The following DLC1 variants were observed in gnomAD, a reference collection of about 807,000 sequenced individuals.
DLC1 encodes the protein rho GTPase-activating protein 7.
In DLC1, 54 loss-of-function variants were observed where a neutral mutation model predicts 140.3. The ratio of observed to expected loss-of-function variants is 0.38; its 90% CI spans 0.31 to 0.48. The LOEUF is 0.48. Among genes scored for constraint, DLC1 ranks in the 20% least tolerant of loss-of-function variants. DLC1 has a pLI of 0.96. For synonymous variants in DLC1, 986 were observed against 728.1 expected (o/e 1.35, Z -5.70); for missense variants, 2,536 against 1,907.0 (o/e 1.33, Z -6.14).
intron 5 of DLC1, among the ~76,000 whole-genome samples, chr8:13,215,190 G>C (rs1163835730): frequency 1.3e-5 from 2 of 152,062 alleles, no homozygotes; most frequent in African/African-American, 2.4e-5. Context: ...AAAACTATTA[G>C]ATCATTTCCC....
chr8:13,538,042 C>T (rs1421386742), intron 1 of DLC1, among the ~76,000 whole-genome samples: 2 of 152,142 alleles, frequency 1.3e-5, no homozygotes, highest in Non-Finnish European at 2.9e-5. Flanking sequence ...CTCACAAAGT[C>T]TCACTGAAGT....
At chr8:13,317,563 C>T (rs1463296598) in intron 4 of DLC1, among the ~76,000 whole-genome samples, 1 of 152,016 alleles carries the variant, frequency 6.6e-6, no homozygotes, top group East Asian at 1.9e-4. Flanking sequence ...GACGAAATGG[C>T]TATGGTCAGT....
chr8:13,427,791 G>A (rs760726487), intron 2 of DLC1, among the ~76,000 whole-genome samples: 1 of 152,150 alleles, frequency 6.6e-6, no homozygotes, highest in South Asian at 2.1e-4. Flanking sequence ...CCTTTACATT[G>A]CATGCTTTTA....
intron 4 of DLC1, among the ~76,000 whole-genome samples, chr8:13,390,120 C>G (rs1836685060): frequency 2.0e-5 from 3 of 152,024 alleles, no homozygotes; most frequent in Admixed American, 2.0e-4. Context: ...GATATTCCAA[C>G]CATAAAATTG....
intron 5 of DLC1, among the ~76,000 whole-genome samples, chr8:13,197,306 C>A (rs1453013031): frequency 6.6e-6 from 1 of 152,014 alleles, no homozygotes; most frequent in Non-Finnish European, 1.5e-5. Flanking sequence ...TAATTAGTAA[C>A]TATTTAAGCC....
chr8:13,306,464 C>T (rs145547974), intron 4 of DLC1, among the ~76,000 whole-genome samples: 1 of 151,868 alleles, frequency 6.6e-6, no homozygotes, highest in East Asian at 1.9e-4. Flanking sequence ...CAGGATAGAT[C>T]CAAAGGTGAT....
chr8:13,190,176 G>C (rs531916464), intron 5 of DLC1, among the ~76,000 whole-genome samples: 1 of 152,294 alleles, frequency 6.6e-6, no homozygotes, highest in East Asian at 1.9e-4. Context: ...TTTATGTCAA[G>C]GTGAGTGCTT....
rs371685556 is a variant in DLC1 at position 13,473,113 on chromosome 8, T to G, written c.1023+25936A>C. On this transcript the variant is annotated intron_variant, in intron 2 of 17. Coordinates refer to ENST00000276297, the MANE Select transcript of DLC1 (RefSeq NM_182643.3). ...CAGGGGGTGATATGCAGACTTGATG[T>G]GCAGGAAGAGACACCCAGTGTTCAG... Among the ~76,000 whole-genome samples the G allele has an allele frequency of 2.4e-4, 36 of 152,328 alleles. No homozygotes were observed. The East Asian group carries it at 2.5e-3, about 11-fold the overall frequency.
intron 1 of DLC1, chr8:13,558,587 T>G (rs911028847): frequency 4.6e-5 from 7 of 152,218 alleles, no homozygotes; most frequent in Middle Eastern, 3.2e-3. Context: ...TTAGGTCACT[T>G]TCTGAAAGCA....
intron 2 of DLC1, among the ~76,000 whole-genome samples, chr8:13,462,280 C>T (rs1200325056): frequency 6.6e-6 from 1 of 152,124 alleles, no homozygotes; most frequent in Non-Finnish European, 1.5e-5. Context: ...TGTCTAATAA[C>T]ATATGCCATA....
chr8:13,103,918 C>G (rs1327452703), intron 7 of DLC1, among the ~76,000 whole-genome samples: 1 of 146,562 alleles, frequency 6.8e-6, no homozygotes, highest in Non-Finnish European at 1.5e-5. Flanking sequence ...AACAGCAAAA[C>G]AGCAACAAAG....
intron 1 of DLC1, chr8:13,568,013 A>T: frequency 2.1e-6 from 3 of 1,449,396 alleles, no homozygotes; most frequent in Non-Finnish European, 2.7e-6. Flanking sequence ...GGCACTTGGG[A>T]AACTAACTTA....
At chr8:13,360,065 T>C (rs982132864) in intron 4 of DLC1, among the ~76,000 whole-genome samples, 4 of 152,220 alleles carry the variant, frequency 2.6e-5, no homozygotes, top group African/African-American at 9.6e-5. Context: ...TAGAATTCTT[T>C]CTTTGCCTAT....
At chr8:13,440,628 G>A (rs2116918891) in intron 2 of DLC1, among the ~76,000 whole-genome samples, 1 of 151,808 alleles carries the variant, frequency 6.6e-6, no homozygotes, top group East Asian at 1.9e-4. Flanking sequence ...TGGTTTGGCT[G>A]TGTCACCACC....
At chr8:13,383,894 G>A (rs73551543) in intron 4 of DLC1, among the ~76,000 whole-genome samples, 1,847 of 152,276 alleles carry the variant, frequency 0.012, 35 homozygotes, top group African/African-American at 0.042. Flanking sequence ...ACAACTGACT[G>A]CAGCCTCACG....
chr8:13,426,144 A>G (rs1468855334), intron 2 of DLC1, among the ~76,000 whole-genome samples: 1 of 152,136 alleles, frequency 6.6e-6, no homozygotes, highest in Non-Finnish European at 1.5e-5. Flanking sequence ...TTGGCAAGGA[A>G]GAATCTGATT....
chr8:13,156,824 A>G (rs1383928681), intron 5 of DLC1, among the ~76,000 whole-genome samples: 3 of 152,252 alleles, frequency 2.0e-5, no homozygotes, highest in South Asian at 2.1e-4. Context: ...GGGCAACCCT[A>G]TGCTTTGCCC....
intron 14 of DLC1, among the ~76,000 whole-genome samples, chr8:13,090,810 T>TTTC (rs1554566271): frequency 4.3e-5 from 1 of 23,306 alleles, no homozygotes; most frequent in African/African-American, 3.6e-4. Flanking sequence ...TCTTTCTTTC[T>TTTC]TTTTTTTTTT....
At chr8:13,220,583 C>T (rs927673743) in intron 5 of DLC1, among the ~76,000 whole-genome samples, 2 of 152,088 alleles carry the variant, frequency 1.3e-5, no homozygotes, top group African/African-American at 2.4e-5. Context: ...ATACTATTTT[C>T]CTGTGCCTTT....
Sources: allele counts gnomAD v4.1 joint callset (sites outside exome capture counted in the v4.1 genomes callset), GRCh38; gene constraint gnomAD v4.1.1; transcripts MANE v1.5; gene names NCBI Gene and HGNC (gene_info 2026-07-23, HGNC 2026-07-21).